The following CSNK1G1 variants were observed in gnomAD, a reference collection of about 807,000 sequenced individuals.
CSNK1G1 encodes the protein casein kinase I isoform gamma-1.
A neutral mutation model predicts 59.6 loss-of-function variants in CSNK1G1; 22 were observed. The ratio of observed to expected loss-of-function variants is 0.37; its 90% CI spans 0.26 to 0.53. The LOEUF (loss-of-function observed/expected upper bound fraction) is 0.53. Among genes scored for constraint, CSNK1G1 ranks in the 20% least tolerant of loss-of-function variants. CSNK1G1 has a pLI of 0.89. For missense variants in CSNK1G1, 384 were observed against 519.5 expected, an observed-to-expected ratio of 0.74 and a Z score of 2.54; for synonymous variants, 179 against 177.1, an observed-to-expected ratio of 1.01 and a Z score of -0.08.
intron 4 of CSNK1G1, among the ~76,000 whole-genome samples, chr15:64,230,461 G>C (rs2082531866): frequency 6.6e-6 from 1 of 151,636 alleles, no homozygotes; most frequent in East Asian, 1.9e-4. Context: ...ACCACGCCTG[G>C]CTAATTTTTA....
intron 1 of CSNK1G1, among the ~76,000 whole-genome samples, chr15:64,329,311 T>C (rs1442659174): frequency 6.6e-6 from 1 of 150,802 alleles, no homozygotes; most frequent in African/African-American, 2.4e-5. Flanking sequence ...GAACAGAAAT[T>C]ACAACAAACT....
chr15:64,261,224 T>C (rs1004878825), intron 2 of CSNK1G1, among the ~76,000 whole-genome samples: 25 of 152,214 alleles, frequency 1.6e-4, no homozygotes, highest in African/African-American at 5.5e-4. Flanking sequence ...CCAGGACTTC[T>C]TGCACACCAG....
In CSNK1G1 at chr15:64,180,204, A is replaced by G. The variant is rs1280037496; in HGVS notation, c.1214+144T>C. On this transcript the variant is annotated intron_variant, in intron 11 of 11. Coordinates refer to ENST00000303052, the MANE Select transcript of CSNK1G1 (RefSeq NM_022048.5). Reference sequence around the variant, plus strand: ...AGGGCAGTAGCAGCCTTAAGGTACCATGCAAAAATTAAAACAGTTAAGGAA... The same window carrying G: ...AGGGCAGTAGCAGCCTTAAGGTACCGTGCAAAAATTAAAACAGTTAAGGAA... 25 of 632,930 alleles carry G rather than the reference A, an allele frequency of 3.9e-5. 1 individual carries two copies. The highest frequency in any genetic ancestry group is 5.6e-5 in the Non-Finnish European group (20 of 354,828). 39.2% of individuals were successfully genotyped at this position (632,930 alleles called of 1,614,324 possible).
intron 1 of CSNK1G1, among the ~76,000 whole-genome samples, chr15:64,305,235 T>G (rs1018518890): frequency 3.3e-5 from 5 of 152,090 alleles, no homozygotes; most frequent in African/African-American, 1.2e-4. Flanking sequence ...CAGGGTAAAT[T>G]TCAAGAGCAG....
At chr15:64,349,525 G>C (rs945435289) in intron 1 of CSNK1G1, among the ~76,000 whole-genome samples, 14 of 152,268 alleles carry the variant, frequency 9.2e-5, no homozygotes, top group African/African-American at 3.1e-4. Flanking sequence ...GAGCTTCTGG[G>C]TGAGGGACAG....
At chr15:64,201,705 C>CATGTGTGTGTGTGTGT (rs1555499627) in intron 10 of CSNK1G1, among the ~76,000 whole-genome samples, 31 of 104,134 alleles carry the variant, frequency 3.0e-4, no homozygotes, top group Non-Finnish European at 5.3e-4. Context: ...CTCCATTGGA[C>CATGTGTGTGTGTGTGT]ATGTGTGTGT....
rs758484135 is a variant in CSNK1G1 at position 64,204,885 on chromosome 15, G to C, written c.830C>G (p.Ala277Gly). 41 of 1,609,604 alleles carry C rather than the reference G, an allele frequency of 2.5e-5. No individual in the cohort carries two copies. The highest frequency in any genetic ancestry group is 2.8e-5 in the Non-Finnish European group (33 of 1,176,060). ...CCCACCTGGAAAGTTCTCACAGAGA[G>C]CTTCAATGGGAGTATTCCTTTTGGT... ...GDTKRNTPIEALCENFPEEMA... is the reference protein window; with the variant it reads ...GDTKRNTPIEGLCENFPEEMA... Residue 277 changes from alanine to glycine, a missense_variant, in exon 8 of 12, where the codon GCT becomes GGT. This residue lies in a region of CSNK1G1 where 325 missense variants were observed against 440.9 expected (regional missense o/e 0.74). Transcript: ENST00000303052.
intron 4 of CSNK1G1, among the ~76,000 whole-genome samples, chr15:64,249,739 T>C (rs1238198941): frequency 6.6e-6 from 1 of 152,248 alleles, no homozygotes; most frequent in African/African-American, 2.4e-5. Context: ...ACTCCTCGCT[T>C]TCAGTGCACA....
intron 2 of CSNK1G1, chr15:64,265,890 C>G (rs1892954681): frequency 2.2e-6 from 1 of 452,362 alleles, no homozygotes; most frequent in Admixed American, 2.4e-5. Context: ...TTGAGAGCAG[C>G]TAAGCAACAT....
chr15:64,181,120 G>A, intron 10 of CSNK1G1: 2 of 1,441,950 alleles, frequency 1.4e-6, no homozygotes, highest in Non-Finnish European at 1.8e-6. Flanking sequence ...TAACAAGATT[G>A]TCACATCCTC....
chr15:64,294,649 A>G (rs1894915932), intron 2 of CSNK1G1, among the ~76,000 whole-genome samples: 1 of 151,574 alleles, frequency 6.6e-6, no homozygotes, highest in East Asian at 2.0e-4. Context: ...GGTGGCTCAT[A>G]CCTGTAATCC....
intron 2 of CSNK1G1, among the ~76,000 whole-genome samples, chr15:64,287,860 T>C (rs1220446087): frequency 1.3e-5 from 2 of 151,980 alleles, no homozygotes; most frequent in East Asian, 1.9e-4. Context: ...CAGAAAAAAA[T>C]TGAGACATTT....
intron 2 of CSNK1G1, among the ~76,000 whole-genome samples, chr15:64,278,381 T>C (rs7169759): frequency 0.075 from 7,628 of 101,550 alleles, 224 homozygotes; most frequent in African/African-American, 0.13. Context: ...TATGTGCGTG[T>C]GTGTGTGTGT....
intron 1 of CSNK1G1, among the ~76,000 whole-genome samples, chr15:64,347,844 A>G (rs1294541677): frequency 6.6e-6 from 1 of 151,668 alleles, no homozygotes; most frequent in African/African-American, 2.4e-5. Context: ...GGTCTCTACT[A>G]AAATACAAAA....
intron 4 of CSNK1G1, among the ~76,000 whole-genome samples, chr15:64,217,472 T>A (rs1171620373): frequency 6.6e-6 from 1 of 152,188 alleles, no homozygotes; most frequent in Non-Finnish European, 1.5e-5. Context: ...GCATTGTAAA[T>A]ATGAGGCATT....
chr15:64,183,306 G>A (rs1322439248), intron 10 of CSNK1G1, among the ~76,000 whole-genome samples: 1 of 152,158 alleles, frequency 6.6e-6, no homozygotes, highest in Non-Finnish European at 1.5e-5. Flanking sequence ...TAGACATCTT[G>A]TCTGTATCAA....
chr15:64,269,130 T>C (rs1893141913), intron 2 of CSNK1G1, among the ~76,000 whole-genome samples: 2 of 152,356 alleles, frequency 1.3e-5, no homozygotes, highest in East Asian at 1.9e-4. Flanking sequence ...TAGCCCACAT[T>C]TATTTCAATG....
At position 64,210,899 on chromosome 15, in the gene CSNK1G1, C is replaced by T. The variant is rs1287702230; in HGVS notation, c.679+2991G>A. On this transcript the variant is annotated intron_variant, in intron 6 of 11. Transcript: ENST00000303052. This position sits in a 1 kb window ranked among gnomAD's most constrained non-coding sequence, Gnocchi z 4.2. ...TAACGACCTCCCTTAGGGATGAGTT[C>T]CCAAGAAAGCAGGTTGGTGAGAAGA... Among the ~76,000 whole-genome samples, 1 of 152,108 alleles carries T rather than the reference C, an allele frequency of 6.6e-6. No individual in the cohort carries two copies. The highest frequency in any genetic ancestry group is 1.5e-5 in the Non-Finnish European group (1 of 68,018).
rs1211648698 is a variant in CSNK1G1, at chr15:64,167,632, G to A, written c.*4299C>T. 6.5e-6 allele frequency: 1 copy of A among 152,710 alleles called. No homozygotes were observed. The highest frequency in any genetic ancestry group is 1.9e-4 in the East Asian group (1 of 5,200). 9.5% of individuals were successfully genotyped at this position (152,710 alleles called of 1,614,324 possible). A position where few individuals can be genotyped will look rare whatever the true frequency, so the allele number is the denominator to read the frequency against. On this transcript the variant is annotated 3_prime_UTR_variant, in exon 12 of 12. Transcript: ENST00000303052. ...GCAATGTTGGCTGTATGGTGTTGCA[G>A]GCTCCCAATCTGAGAAACGAACCTT...
Sources: allele counts gnomAD v4.1 joint callset (sites outside exome capture counted in the v4.1 genomes callset), GRCh38; gene constraint gnomAD v4.1.1; regional missense constraint gnomAD v4.1.1; non-coding constraint Gnocchi (gnomAD v3.1); transcripts MANE v1.5; gene names NCBI Gene and HGNC (gene_info 2026-07-23, HGNC 2026-07-21).